The following SMCHD1 variants were observed in gnomAD, a reference collection of about 807,000 sequenced individuals.
The protein encoded by SMCHD1 is structural maintenance of chromosomes flexible hinge domain containing 1, also known as structural maintenance of chromosomes flexible hinge domain-containing protein 1.
In SMCHD1, 78 loss-of-function variants were observed where a neutral mutation model predicts 254.7. The ratio of observed to expected loss-of-function variants is 0.31; its 90% CI spans 0.26 to 0.37. SMCHD1 has a LOEUF of 0.37. Ranked by LOEUF, SMCHD1 falls within the 10% of genes least tolerant of loss-of-function variation. The pLI is 1.00. For synonymous variants in SMCHD1, 766 were observed against 794.9 expected, an observed-to-expected ratio of 0.96 and a Z score of 0.61; for missense variants, 1,840 against 2,408.1, an observed-to-expected ratio of 0.76 and a Z score of 4.94.
chr18:2,749,040 G>T (rs2075522461), intron 30 of SMCHD1, among the ~76,000 whole-genome samples: 1 of 152,166 alleles, frequency 6.6e-6, no homozygotes, highest in African/African-American at 2.4e-5. Context: ...GTTTTTAAAT[G>T]AGTCTGTTAA....
intron 6 of SMCHD1, 57 bp downstream of exon 6, chr18:2,688,565 C>A: frequency 6.3e-7 from 1 of 1,585,568 alleles, no homozygotes; most frequent in Non-Finnish European, 8.6e-7. Context: ...GAAGTTGACT[C>A]TGTCTAAATG....
At chr18:2,713,822 A>G (rs1477253801) in intron 17 of SMCHD1, among the ~76,000 whole-genome samples, 1 of 152,200 alleles carries the variant, frequency 6.6e-6, no homozygotes, top group Non-Finnish European at 1.5e-5. Flanking sequence ...TTATTCCACT[A>G]TGGTCCAAGA....
At chr18:2,694,999 G>A (rs1184044426) in intron 8 of SMCHD1, among the ~76,000 whole-genome samples, 1 of 152,048 alleles carries the variant, frequency 6.6e-6, no homozygotes, top group African/African-American at 2.4e-5. Context: ...CCATGACCCC[G>A]TTTTGTGCTT....
rs576044388 is a variant in SMCHD1 at position 2,659,275 on chromosome 18, G to A, written c.186+3014G>A. Among the ~76,000 whole-genome samples, 169 of 152,196 alleles carry A rather than the reference G, an allele frequency of 1.1e-3. 1 individual carries two copies. Among genetic ancestry groups the A allele is most frequent in the Middle Eastern group, 3.4e-3 (1 of 294 alleles). On this transcript the variant is annotated intron_variant, in intron 1 of 47. Transcript: ENST00000320876. Reference sequence around the variant, plus strand: ...TGGGATTACAGGTGCCTGCCACCACGCCTGGCTAATTTTAATACTTTTAGT... The same window carrying A: ...TGGGATTACAGGTGCCTGCCACCACACCTGGCTAATTTTAATACTTTTAGT...
chr18:2,770,873 G>A (rs981699343), intron 39 of SMCHD1, among the ~76,000 whole-genome samples: 50 of 152,198 alleles, frequency 3.3e-4, no homozygotes, highest in Non-Finnish European at 5.3e-4. Context: ...TGCCCACCTT[G>A]GCCCCCACAA....
At chr18:2,704,245 A>G (rs145627967) in intron 13 of SMCHD1, among the ~76,000 whole-genome samples, 2,800 of 152,308 alleles carry the variant, frequency 0.018, 44 homozygotes, top group Middle Eastern at 0.099. Flanking sequence ...TTATTATAGC[A>G]TTAAAAAAAC....
intron 13 of SMCHD1, among the ~76,000 whole-genome samples, chr18:2,704,934 T>C (rs2074481588): frequency 6.6e-6 from 1 of 152,086 alleles, no homozygotes; most frequent in Admixed American, 6.6e-5. Flanking sequence ...AGGGATAAGC[T>C]GGTGAGACAG....
rs1200512823 is a variant in SMCHD1, at chr18:2,804,484, C to G, written c.*1932C>G. 3 of 152,034 alleles carry G rather than the reference C, an allele frequency of 2.0e-5. No homozygotes were observed. The highest frequency in any genetic ancestry group is 7.2e-5 in the African/African-American group (3 of 41,382). 9.4% of individuals were successfully genotyped at this position (152,034 alleles called of 1,614,324 possible). ...TATGGATATTATCTAGCCCCAAGCC[C>G]ATATCTGTACACTTTTGTTCATTTT... On this transcript the variant is annotated 3_prime_UTR_variant, in exon 48 of 48. Coordinates refer to ENST00000320876, the MANE Select transcript of SMCHD1 (RefSeq NM_015295.3).
chr18:2,770,728 C>G (rs890768662), intron 39 of SMCHD1, among the ~76,000 whole-genome samples: 2 of 152,100 alleles, frequency 1.3e-5, no homozygotes, highest in African/African-American at 2.4e-5. Context: ...TCAAGTGATT[C>G]TCGTGCCTCA....
At chr18:2,783,973 A>G (rs1232335557) in intron 44 of SMCHD1, among the ~76,000 whole-genome samples, 1 of 152,086 alleles carries the variant, frequency 6.6e-6, no homozygotes, top group African/African-American at 2.4e-5. Flanking sequence ...TCACCTCTTT[A>G]TCTTCCCATA....
chr18:2,762,002 C>A, intron 35 of SMCHD1, 103 bp from the exon 36 acceptor site: 1 of 872,944 alleles, frequency 1.1e-6, no homozygotes, highest in Non-Finnish European at 1.7e-6. Context: ...TAGAAGGTAA[C>A]ATTTAATTTT....
At chr18:2,700,202 A>G (rs2074370594) in intron 10 of SMCHD1, among the ~76,000 whole-genome samples, 1 of 152,222 alleles carries the variant, frequency 6.6e-6, no homozygotes, top group African/African-American at 2.4e-5. Flanking sequence ...ACTGTTTTAG[A>G]TACGGGATTT....
intron 1 of SMCHD1, among the ~76,000 whole-genome samples, chr18:2,661,894 C>T (rs1052786279): frequency 1.3e-5 from 2 of 151,734 alleles, no homozygotes; most frequent in Non-Finnish European, 2.9e-5. Flanking sequence ...CGGTGGCTCA[C>T]GCCTGTAATC....
chr18:2,801,624 A>G (rs2076363928), intron 47 of SMCHD1, among the ~76,000 whole-genome samples: 1 of 152,154 alleles, frequency 6.6e-6, no homozygotes, highest in Non-Finnish European at 1.5e-5. Context: ...TAATAGTAGG[A>G]AAGGAAATAG....
chr18:2,751,639 T>C lies in SMCHD1; in HGVS notation c.4281+246T>C, dbSNP rs7237908. Among the ~76,000 whole-genome samples, 30,837 of 151,978 alleles carry C rather than the reference T, an allele frequency of 0.2. 3,380 individuals carry two copies. Among genetic ancestry groups the C allele is most frequent in the South Asian group, 0.33 (1,594 of 4,810 alleles). On this transcript the variant is annotated intron_variant, in intron 33 of 47. Coordinates refer to ENST00000320876, the MANE Select transcript of SMCHD1 (RefSeq NM_015295.3). ...ATTTTAAGATGCCTACACATTAAAA[T>C]TATTTCATCTGAAGGACAGTAGCAC...
At chr18:2,755,774 A>G (rs1266811090) in intron 34 of SMCHD1, among the ~76,000 whole-genome samples, 1 of 151,396 alleles carries the variant, frequency 6.6e-6, no homozygotes, top group Non-Finnish European at 1.5e-5. Flanking sequence ...TCACTGTGTT[A>G]GCCAGGATGA....
At position 2,777,930 on chromosome 18, in the gene SMCHD1, G is replaced by C; in HGVS notation, c.5476+15G>C. 1 of 1,429,474 alleles carries C rather than the reference G, an allele frequency of 7.0e-7. No homozygotes were observed. Among genetic ancestry groups the C allele is most frequent in the Non-Finnish European group, 9.5e-7 (1 of 1,051,404 alleles). 88.5% of individuals were successfully genotyped at this position (1,429,474 alleles called of 1,614,324 possible). A position where few individuals can be genotyped will look rare whatever the true frequency, so the allele number is the denominator to read the frequency against. On this transcript the variant is annotated intron_variant, in intron 43 of 47. Coordinates refer to ENST00000320876, the MANE Select transcript of SMCHD1 (RefSeq NM_015295.3). ...TTGTGAAACAGGTAAAAGACATTAT[G>C]GTGACTTTACTTTTGTACAGATGTT... is the stretch of plus-strand genomic sequence containing the variant.
intron 28 of SMCHD1, 28 bp from the exon 29 acceptor site, chr18:2,743,733 T>C: frequency 6.4e-7 from 1 of 1,551,824 alleles, no homozygotes; most frequent in Non-Finnish European, 8.8e-7. Context: ...ATACCCCCTG[T>C]CTTTCTCAAT....
chr18:2,762,090 CTTTTG>C lies in SMCHD1; in HGVS notation c.4435-8_4435-4del. On this transcript the variant is annotated splice_polypyrimidine_tract_variant and intron_variant, in intron 35 of 47. Transcript: ENST00000320876. The stretch of plus-strand genomic sequence containing the variant: ...CAATATATTGTTAATCAGAATGTCT[CTTTTG>C]TTTTGTAAGGTTATAGTTGAAGTCC... 2 of 1,610,998 alleles carry C rather than the reference CTTTTG, an allele frequency of 1.2e-6. No homozygotes were observed. Among genetic ancestry groups the C allele is most frequent in the Non-Finnish European group, 1.7e-6 (2 of 1,177,850 alleles).
Sources: gnomAD v4.1 joint callset for allele counts (sites outside exome capture counted in the v4.1 genomes callset) on GRCh38, gnomAD v4.1.1 for gene constraint, MANE v1.5 for transcripts, NCBI Gene and HGNC (gene_info 2026-07-23, HGNC 2026-07-21) for gene names.